Variants in BMPR2 observed in about 807,000 individuals in gnomAD.
The protein encoded by BMPR2 is bone morphogenetic protein receptor type-2.
In BMPR2, 29 loss-of-function variants were observed where a neutral mutation model predicts 100.8. That is an observed-to-expected ratio of 0.29 (90% CI 0.21 to 0.39). The LOEUF (loss-of-function observed/expected upper bound fraction) is 0.39. Among genes scored for constraint, BMPR2 ranks in the 10% least tolerant of loss-of-function variants. The pLI is 1.00. For missense variants in BMPR2, 1,011 were observed against 1,274.5 expected (o/e 0.79, Z 3.15); for synonymous variants, 382 against 442.3 (o/e 0.86, Z 1.71).
At chr2:202,402,914 C>T (rs1308453330) in intron 1 of BMPR2, among the ~76,000 whole-genome samples, 2 of 151,780 alleles carry the variant, frequency 1.3e-5, no homozygotes, top group East Asian at 1.9e-4. Context: ...CAGCAAATTC[C>T]GCCTCCCGGG....
At chr2:202,557,441 T>C (rs1366017784) in intron 12 of BMPR2, among the ~76,000 whole-genome samples, 2 of 139,920 alleles carry the variant, frequency 1.4e-5, no homozygotes, top group East Asian at 4.2e-4. Context: ...CCAGCCTGGG[T>C]GACAGAATGA....
At chr2:202,432,557 A>G (rs1462008962) in intron 1 of BMPR2, among the ~76,000 whole-genome samples, 3 of 150,674 alleles carry the variant, frequency 2.0e-5, no homozygotes, top group Non-Finnish European at 4.4e-5. Flanking sequence ...ACAAAATGCA[A>G]GTATTACTAA....
In BMPR2 at chr2:202,560,000, G is replaced by A; in HGVS notation, c.*54G>A. On this transcript the variant is annotated 3_prime_UTR_variant, in exon 13 of 13. Transcript: ENST00000374580. Reference sequence around the variant, plus strand: ...ATTTTTTGCATCATTTAAACATGCAGAAGATGTTTAAAAATAAAAAAAAAA... The same window carrying A: ...ATTTTTTGCATCATTTAAACATGCAAAAGATGTTTAAAAATAAAAAAAAAA... The A allele has an allele frequency of 6.2e-7, 1 of 1,606,064 alleles. No homozygotes were observed. Among genetic ancestry groups the A allele is most frequent in the Non-Finnish European group, 8.5e-7 (1 of 1,176,514 alleles).
At chr2:202,404,816 G>A (rs1690854342) in intron 1 of BMPR2, among the ~76,000 whole-genome samples, 1 of 151,642 alleles carries the variant, frequency 6.6e-6, no homozygotes, top group African/African-American at 2.4e-5. Context: ...AGTGTCTATC[G>A]TTCCAATCTT....
At chr2:202,516,045 A>G (rs1687704794) in intron 5 of BMPR2, among the ~76,000 whole-genome samples, 1 of 152,182 alleles carries the variant, frequency 6.6e-6, no homozygotes, top group African/African-American at 2.4e-5. Context: ...CATATATTAC[A>G]TATTTTTATA....
At chr2:202,456,152 C>T in intron 1 of BMPR2, among the ~76,000 whole-genome samples, 1 of 140,864 alleles carries the variant, frequency 7.1e-6, no homozygotes, top group Non-Finnish European at 1.5e-5. Context: ...ACAAAGGACA[C>T]TATGTTTTTT....
At chr2:202,383,623 G>A (rs1391989200) in intron 1 of BMPR2, among the ~76,000 whole-genome samples, 2 of 151,304 alleles carry the variant, frequency 1.3e-5, no homozygotes, top group Non-Finnish European at 2.9e-5. Context: ...GTGGTGAGCC[G>A]AGGTTGTGCC....
chr2:202,437,150 CG>C (rs1691630186), intron 1 of BMPR2, among the ~76,000 whole-genome samples: 1 of 150,238 alleles, frequency 6.7e-6, no homozygotes, highest in Non-Finnish European at 1.5e-5. Flanking sequence ...GGATTACAGG[CG>C]GGCGCCACCA....
At position 202,400,303 on chromosome 2, in the gene BMPR2, A is replaced by C. The variant is rs1242346969; in HGVS notation, c.76+22753A>C. Among the ~76,000 whole-genome samples, 4 of 149,772 alleles carry C rather than the reference A, an allele frequency of 2.7e-5. No homozygotes were observed. The East Asian group carries it at 7.8e-4, about 29-fold the overall frequency. ...ACTACAGGTGTATACCACCATGCCA[A>C]GCTAATTTTTTTTTTTTTTTTTTTT... On this transcript the variant is annotated intron_variant, in intron 1 of 12. Coordinates refer to ENST00000374580, the MANE Select transcript of BMPR2 (RefSeq NM_001204.7).
intron 3 of BMPR2, among the ~76,000 whole-genome samples, chr2:202,479,531 C>G (rs2105972254): frequency 6.6e-6 from 1 of 152,106 alleles, no homozygotes; most frequent in East Asian, 1.9e-4. Context: ...CCGTTATCTC[C>G]CCTCTGCTCC....
chr2:202,483,358 T>C (rs895409075), intron 3 of BMPR2, among the ~76,000 whole-genome samples: 1 of 151,972 alleles, frequency 6.6e-6, no homozygotes, highest in Non-Finnish European at 1.5e-5. Flanking sequence ...TTTGTTTTTG[T>C]TTGTTGGTTG....
intron 1 of BMPR2, among the ~76,000 whole-genome samples, chr2:202,441,885 T>TG: frequency 6.7e-6 from 1 of 148,312 alleles, no homozygotes; most frequent in East Asian, 1.9e-4. Context: ...ATACAAAAAT[T>TG]ATCTGGGCAT....
rs543766129 is a variant in BMPR2, at chr2:202,555,413, A to G, written c.1748A>G (p.Asn583Ser). The change falls in exon 12 of 13, where the codon AAC becomes AGC. Residue 583 changes from asparagine to serine, a missense_variant. By Grantham distance (46) the Asn-to-Ser change is conservative (BLOSUM62 1). Transcript: ENST00000374580. ...SSTPLTIGEK[N>S]RNSINYERQQ... ...ACACCTTTGACTATAGGGGAAAAAA[A>G]CCGAAATTCAATTAACTATGAACGA... The G allele has an allele frequency of 2.5e-6, 4 of 1,614,152 alleles. No homozygotes were observed. The highest frequency in any genetic ancestry group is 1.7e-5 in the Admixed American group (1 of 60,000).
intron 1 of BMPR2, among the ~76,000 whole-genome samples, chr2:202,464,014 C>T (rs928095612): frequency 7.2e-5 from 11 of 151,890 alleles, no homozygotes; most frequent in African/African-American, 2.2e-4. Flanking sequence ...ACAAAATTAG[C>T]CGGGCGTGGT....
chr2:202,393,882 C>CGA (rs56708616), intron 1 of BMPR2, among the ~76,000 whole-genome samples: 5,874 of 97,572 alleles, frequency 0.06, 531 homozygotes, highest in East Asian at 0.11. Flanking sequence ...AATGAGAGAG[C>CGA]GAGAGAGAGA....
chr2:202,567,693 A>G lies in BMPR2; in HGVS notation c.*7747A>G, dbSNP rs1303660164. 2 of 152,626 alleles carry G rather than the reference A, an allele frequency of 1.3e-5. No individual in the cohort carries two copies. The highest frequency in any genetic ancestry group is 3.8e-4 in the East Asian group (2 of 5,200). The allele number at this position is 152,626 out of a possible 1,614,324, so 9.5% of individuals were successfully genotyped here. A position where few individuals can be genotyped will look rare whatever the true frequency, so the allele number is the denominator to read the frequency against. On this transcript the variant is annotated 3_prime_UTR_variant, in exon 13 of 13. Transcript: ENST00000374580. ...TTTAAGGCAGTTCTTTAGGTTTAAAAAGGCTTGCTGTAAAATGGTGCGTTA... is the reference window on the plus strand; with the variant it reads ...TTTAAGGCAGTTCTTTAGGTTTAAAGAGGCTTGCTGTAAAATGGTGCGTTA...
intron 1 of BMPR2, among the ~76,000 whole-genome samples, chr2:202,389,802 C>T (rs1341822534): frequency 1.1e-4 from 16 of 151,502 alleles, no homozygotes; most frequent in Admixed American, 1.1e-3. Flanking sequence ...CCACCACGTC[C>T]GGCTAATTTT....
chr2:202,504,027 C>T (rs945788516), intron 3 of BMPR2, among the ~76,000 whole-genome samples: 8 of 151,982 alleles, frequency 5.3e-5, no homozygotes, highest in African/African-American at 1.9e-4. Context: ...ACCTTTGTGT[C>T]GACACTCTGT....
Position 202,555,681 on chromosome 2 carries a change from A to G in BMPR2, c.2016A>G (p.Glu672=). 1 of 1,614,130 alleles carries G rather than the reference A, an allele frequency of 6.2e-7. No individual in the cohort carries two copies. The highest frequency in any genetic ancestry group is 8.5e-7 in the Non-Finnish European group (1 of 1,180,028). ...AAACCAACAAGCTAGACCCAAAAGA[A>G]GTTGATAAGAACCTCAAGGAAAGCT... is the stretch of plus-strand genomic sequence containing the variant. The part of the protein sequence containing the change: ...DLETNKLDPK[E]VDKNLKESSD... The change falls in exon 12 of 13, where the codon GAA becomes GAG. Residue 672 remains glutamate (E), a synonymous_variant. Transcript: ENST00000374580.
Sources: allele counts gnomAD v4.1 joint callset (sites outside exome capture counted in the v4.1 genomes callset), GRCh38; gene constraint gnomAD v4.1.1; transcripts MANE v1.5; gene names NCBI Gene and HGNC (gene_info 2026-07-23, HGNC 2026-07-21).